Variants in DCAF6 observed in about 807,000 individuals in gnomAD.
DCAF6 encodes the protein DDB1 and CUL4 associated factor 6.
Under a neutral mutation model 125.1 loss-of-function variants are expected in DCAF6, and 54 were observed. The ratio of observed to expected loss-of-function variants is 0.43; its 90% CI spans 0.35 to 0.54. The LOEUF (loss-of-function observed/expected upper bound fraction) is 0.54, where lower values mean the gene tolerates loss of function less well. DCAF6 is among the 20% of genes least tolerant of loss of function. DCAF6 has a pLI of 0.01. For synonymous variants in DCAF6, 371 were observed against 390.4 expected, an observed-to-expected ratio of 0.95 and a Z score of 0.58; for missense variants, 934 against 1,161.7, an observed-to-expected ratio of 0.80 and a Z score of 2.85.
rs113220041 is a variant in DCAF6 at position 168,056,223 on chromosome 1, C to T, written c.2300+5290C>T. Reference sequence around the variant, plus strand: ...TGCAAAATTGCTGATTCCCACTGTTCCAATGCCATTTTCTGTTGTTACCCA... The same window carrying T: ...TGCAAAATTGCTGATTCCCACTGTTTCAATGCCATTTTCTGTTGTTACCCA... On this transcript the variant is annotated intron_variant, in intron 17 of 21. Transcript: ENST00000367840. 6.6e-4 allele frequency: 1,069 copies of T among 1,612,392 alleles called. 30 individuals carry two copies. In the African/African-American group the frequency reaches 0.013, roughly 20 times the overall value.
At position 168,043,962 on chromosome 1, in the gene DCAF6, C is replaced by T. The variant is rs369685468; in HGVS notation, c.1844-623C>T. Among the ~76,000 whole-genome samples the T allele has an allele frequency of 7.7e-4, 117 of 152,166 alleles. 1 individual carries two copies. The South Asian group carries it at 0.022, about 29-fold the overall frequency. On this transcript the variant is annotated intron_variant, in intron 14 of 21. Coordinates refer to ENST00000367840, the MANE Select transcript of DCAF6 (RefSeq NM_001198956.2). ...AATGCTCAGTTTTAAGTTTAGATTT[C>T]GGGAAGGTTAGTAAAATGCAGGATC... is the stretch of plus-strand genomic sequence containing the variant.
the DCAF6 span, among the ~76,000 whole-genome samples, chr1:167,887,731 A>T: frequency 2.6e-5 from 4 of 151,460 alleles, no homozygotes; most frequent in Non-Finnish European, 4.4e-5. Context: ...ATAAAAGATT[A>T]AAAAAACTCA....
At chr1:167,865,176 T>C in the DCAF6 span, among the ~76,000 whole-genome samples, 1 of 152,176 alleles carries the variant, frequency 6.6e-6, no homozygotes, top group Non-Finnish European at 1.5e-5. Flanking sequence ...AAGTAAAATA[T>C]ACTTTTGGTA....
At chr1:168,065,549 A>G in intron 18 of DCAF6, 41 bp from the exon 19 acceptor site, 1 of 1,382,052 alleles carries the variant, frequency 7.2e-7, no homozygotes. Flanking sequence ...TGTTTTAATA[A>G]CTTTGATTTG....
intron 5 of DCAF6, among the ~76,000 whole-genome samples, chr1:167,989,016 G>T (rs1680428446): frequency 6.6e-6 from 1 of 151,666 alleles, no homozygotes; most frequent in South Asian, 2.1e-4. Context: ...GGAGGCGGAG[G>T]TTGCAGTGAG....
intron 2 of DCAF6, 77 bp from the exon 3 acceptor site, chr1:167,966,552 A>G: frequency 3.3e-6 from 3 of 916,916 alleles, no homozygotes; most frequent in Non-Finnish European, 5.4e-6. Flanking sequence ...AAAATTTTGT[A>G]CCGCCAGGTG....
chr1:167,894,910 C>T, the DCAF6 span, among the ~76,000 whole-genome samples: 1 of 152,094 alleles, frequency 6.6e-6, no homozygotes, highest in African/African-American at 2.4e-5. Context: ...GCAGGCCGAG[C>T]ACGGTGGCTC....
Position 167,990,085 on chromosome 1 carries a change from A to G in DCAF6, c.553-1119A>G, listed in dbSNP as rs115749020. Among the ~76,000 whole-genome samples, 1,220 of 152,304 alleles carry G rather than the reference A, an allele frequency of 8.0e-3. 14 individuals carry two copies. The highest frequency in any genetic ancestry group is 0.027 in the African/African-American group (1,129 of 41,568). On this transcript the variant is annotated intron_variant, in intron 5 of 21. Transcript: ENST00000367840. ...AGCTGGTTAAGGAGAAAGGTTTTAT[A>G]AGTAAAAAGTATAAAATATAGAAGT... is the stretch of plus-strand genomic sequence containing the variant.
intron 12 of DCAF6, among the ~76,000 whole-genome samples, chr1:168,033,290 T>A (rs933465433): frequency 5.3e-5 from 8 of 151,792 alleles, no homozygotes; most frequent in African/African-American, 1.9e-4. Context: ...TCTAGTAGCA[T>A]TTCTGAAAAG....
chr1:167,904,183 G>GTT, the DCAF6 span, among the ~76,000 whole-genome samples: 1 of 151,306 alleles, frequency 6.6e-6, no homozygotes, highest in Admixed American at 6.6e-5. Context: ...CGCCTCCCGG[G>GTT]TTCAAGCAAT....
At chr1:167,899,545 C>T in the DCAF6 span, 48 of 1,614,240 alleles carry the variant, frequency 3.0e-5, no homozygotes, top group Non-Finnish European at 3.5e-5. Context: ...AGGCGCACAT[C>T]GTCCACTGCC....
At chr1:168,071,089 T>C (rs1245340956) in intron 21 of DCAF6, among the ~76,000 whole-genome samples, 1 of 152,208 alleles carries the variant, frequency 6.6e-6, no homozygotes, top group East Asian at 1.9e-4. Context: ...ATAGACCTAA[T>C]ATTTATATAC....
At chr1:167,931,505 T>A (rs1670910030), upstream of DCAF6, among the ~76,000 whole-genome samples, 1 of 151,872 alleles carries the variant, frequency 6.6e-6, no homozygotes. Context: ...AAATAATATA[T>A]GTATATTTAG....
intron 3 of DCAF6, among the ~76,000 whole-genome samples, chr1:167,973,653 C>G (rs1334616221): frequency 1.3e-5 from 2 of 151,940 alleles, no homozygotes; most frequent in African/African-American, 4.8e-5. Context: ...TCAAATTGTC[C>G]TAAATTTGTT....
intron 16 of DCAF6, 105 bp downstream of exon 16, chr1:168,045,332 A>G (rs1689032537): frequency 1.0e-6 from 1 of 974,008 alleles, no homozygotes; most frequent in Non-Finnish European, 1.5e-6. Flanking sequence ...TGCTTCCTCT[A>G]AGAGTGTCTC....
At chr1:167,880,379 C>G in the DCAF6 span, 1 of 986,680 alleles carries the variant, frequency 1.0e-6, no homozygotes, top group Non-Finnish European at 1.6e-6. Context: ...GTTTGAGACA[C>G]AGGACTAAGT....
Position 167,991,247 on chromosome 1 carries a change from T to A in DCAF6, c.596T>A (p.Ile199Asn), listed in dbSNP as rs902147015. 5 of 1,613,044 alleles carry A rather than the reference T, an allele frequency of 3.1e-6. No individual in the cohort carries two copies. The highest frequency in any genetic ancestry group is 4.2e-6 in the Non-Finnish European group (5 of 1,179,798). The change falls in exon 6 of 22, where the codon ATT (isoleucine) becomes AAT (asparagine). Residue 199 changes from isoleucine (I) to asparagine (N), a missense_variant. Around this residue, in one of 5 missense-constraint regions of DCAF6, gnomAD observed 309 missense variants for 381.2 expected, o/e 0.81. Coordinates refer to ENST00000367840, the MANE Select transcript of DCAF6 (RefSeq NM_001198956.2). ...CGACGTGCTGCCACGTCTGTTGCTA[T>A]TTGCCCACCAATACCATATTACCTT... ...NCRRAATSVA[I>N]CPPIPYYLAV... is the part of the protein sequence containing the mutation.
chr1:167,993,651 A>C (rs1229009668), intron 7 of DCAF6, among the ~76,000 whole-genome samples: 2 of 152,168 alleles, frequency 1.3e-5, no homozygotes. Flanking sequence ...CAGGAGACTG[A>C]GGCAGCAGAA....
chr1:167,925,912 A>C, the DCAF6 span, among the ~76,000 whole-genome samples: 1 of 152,202 alleles, frequency 6.6e-6, no homozygotes, highest in Non-Finnish European at 1.5e-5. Context: ...TTAAATATTG[A>C]TAAGTCTGTC....
Sources: allele counts gnomAD v4.1 joint callset (sites outside exome capture counted in the v4.1 genomes callset), GRCh38; gene constraint gnomAD v4.1.1; regional missense constraint gnomAD v4.1.1; transcripts MANE v1.5; gene names NCBI Gene and HGNC (gene_info 2026-07-23, HGNC 2026-07-21).